The following CPPED1 variants were observed in gnomAD, a reference collection of about 807,000 sequenced individuals.
The protein encoded by CPPED1 is calcineurin like phosphoesterase domain containing 1.
Under a neutral mutation model 28.0 loss-of-function variants are expected in CPPED1, and 28 were observed. The observed-to-expected ratio is 1.00, with a 90% CI of 0.74 to 1.37. The LOEUF (loss-of-function observed/expected upper bound fraction) is 1.37, where lower values mean the gene tolerates loss of function less well. Among genes scored for constraint, CPPED1 ranks in the 40% most tolerant of loss-of-function variants. The pLI is 0.00. For missense variants in CPPED1, 504 were observed against 416.5 expected, an observed-to-expected ratio of 1.21 and a Z score of -1.83; for synonymous variants, 198 against 180.2, an observed-to-expected ratio of 1.10 and a Z score of -0.79.
chr16:12,773,276 A>T (rs965159392), intron 2 of CPPED1, among the ~76,000 whole-genome samples: 1 of 152,220 alleles, frequency 6.6e-6, no homozygotes, highest in African/African-American at 2.4e-5. Context: ...GTAAAAAGCA[A>T]AGCAAAACCT....
intron 2 of CPPED1, among the ~76,000 whole-genome samples, chr16:12,726,952 G>C (rs1356293242): frequency 6.6e-6 from 1 of 152,182 alleles, no homozygotes; most frequent in Non-Finnish European, 1.5e-5. Flanking sequence ...CCATGCCTGT[G>C]AAGCTCAGAA....
intron 3 of CPPED1, among the ~76,000 whole-genome samples, chr16:12,688,254 T>C (rs2079943699): frequency 6.6e-6 from 1 of 151,682 alleles, no homozygotes; most frequent in African/African-American, 2.4e-5. Context: ...CTTGCACATC[T>C]TCACATGTGA....
chr16:12,709,036 C>T lies in CPPED1; in HGVS notation c.290-3987G>A, dbSNP rs939863152. 2.6e-5 allele frequency among the ~76,000 whole-genome samples: 4 copies of T among 152,150 alleles called. No individual in the cohort carries two copies. The highest frequency in any genetic ancestry group is 5.9e-5 in the Non-Finnish European group (4 of 68,022). ...CAGAGGTTGCAGTGAGCCAATATCGCACTATTGCATTCCAGCCTGGGTGAC... is the reference window on the plus strand; with the variant it reads ...CAGAGGTTGCAGTGAGCCAATATCGTACTATTGCATTCCAGCCTGGGTGAC... On this transcript the variant is annotated intron_variant, in intron 2 of 3. Coordinates refer to ENST00000381774, the MANE Select transcript of CPPED1 (RefSeq NM_018340.3). This position sits in a 1 kb window ranked among gnomAD's most constrained non-coding sequence, Gnocchi z 4.4.
chr16:12,664,887 C>G lies in CPPED1; in HGVS notation c.944G>C (p.Ter315SerextTer45), dbSNP rs2141162829. ...AGTGAACGGGAACGGGAAGGAGCGT[C>G]ATTTTTTCTTGATCAAATCCATGAG... The part of the protein sequence containing the change: ...DDLMDLIKKK[*>S] Residue 315 changes from the stop codon to serine, a stop_lost, in exon 4 of 4, where the codon TGA becomes TCA. Coordinates refer to ENST00000381774, the MANE Select transcript of CPPED1 (RefSeq NM_018340.3). This position sits in a 1 kb window ranked among gnomAD's most constrained non-coding sequence, Gnocchi z 4.2. The G allele has an allele frequency of 6.2e-7, 1 of 1,606,814 alleles. No homozygotes were observed. The highest frequency in any genetic ancestry group is 8.5e-7 in the Non-Finnish European group (1 of 1,177,608).
chr16:12,698,317 G>A (rs1333693530), intron 3 of CPPED1, among the ~76,000 whole-genome samples: 1 of 152,172 alleles, frequency 6.6e-6, no homozygotes, highest in African/African-American at 2.4e-5. Flanking sequence ...GAGGAATCAG[G>A]ATCTAAACAG....
At chr16:12,738,284 CA>C (rs1201322183) in intron 2 of CPPED1, among the ~76,000 whole-genome samples, 1 of 151,430 alleles carries the variant, frequency 6.6e-6, no homozygotes. Context: ...CTCAGCTATG[CA>C]AAAAAAATTT....
Position 12,803,827 on chromosome 16 carries a change from C to T in CPPED1, c.-51G>A. On this transcript the variant is annotated 5_prime_UTR_variant, in exon 1 of 4. Coordinates refer to ENST00000381774, the MANE Select transcript of CPPED1 (RefSeq NM_018340.3). ...TAGAACACTGCGTGGGTGGAAGCCG[C>T]GCGACTTCACACAGAACAACCGCTG... 6.5e-7 allele frequency: 1 copy of T among 1,528,092 alleles called. No individual in the cohort carries two copies. Among genetic ancestry groups the T allele is most frequent in the Non-Finnish European group, 8.9e-7 (1 of 1,126,820 alleles). The allele number at this position is 1,528,092 out of a possible 1,614,324, so 94.7% of individuals were successfully genotyped here. A position where few individuals can be genotyped will look rare whatever the true frequency, so the allele number is the denominator to read the frequency against.
chr16:12,682,207 G>T lies in CPPED1; in HGVS notation c.716-17092C>A, dbSNP rs1440856949. On this transcript the variant is annotated intron_variant, in intron 3 of 3. Transcript: ENST00000381774. This position sits in a 1 kb window ranked among gnomAD's most constrained non-coding sequence, Gnocchi z 6.1. ...CCGCTACCATGCCCAGCTAATTTTT[G>T]TGTCTTTAGTAGAGACAGGATTTTA... 2.0e-5 allele frequency among the ~76,000 whole-genome samples: 3 copies of T among 151,968 alleles called. No homozygotes were observed. The highest frequency in any genetic ancestry group is 7.3e-5 in the African/African-American group (3 of 41,368).
intron 3 of CPPED1, among the ~76,000 whole-genome samples, chr16:12,681,630 T>A (rs553773292): frequency 2.0e-5 from 3 of 152,288 alleles, no homozygotes; most frequent in African/African-American, 7.2e-5. Context: ...GGCACAGAAG[T>A]GGCCTAGAAA....
intron 2 of CPPED1, among the ~76,000 whole-genome samples, chr16:12,729,580 C>T (rs375831092): frequency 2.0e-5 from 3 of 152,108 alleles, no homozygotes; most frequent in East Asian, 1.9e-4. Context: ...TGGTGAGAGG[C>T]GGAGGCATTA....
intron 2 of CPPED1, among the ~76,000 whole-genome samples, chr16:12,758,097 C>T (rs2097281208): frequency 6.6e-6 from 1 of 152,000 alleles, no homozygotes; most frequent in Non-Finnish European, 1.5e-5. Context: ...TTCCTTCCTG[C>T]AGGAAAAGGG....
intron 3 of CPPED1, among the ~76,000 whole-genome samples, chr16:12,671,005 C>T (rs891666135): frequency 9.9e-5 from 15 of 152,182 alleles, no homozygotes; most frequent in African/African-American, 3.4e-4. Context: ...TGCCTGCCAC[C>T]ATGCCCAGCT....
intron 2 of CPPED1, among the ~76,000 whole-genome samples, chr16:12,762,004 G>C (rs2080412719): frequency 7.6e-6 from 1 of 131,498 alleles, no homozygotes; most frequent in South Asian, 2.5e-4. Flanking sequence ...AGCAAAGCAA[G>C]ACTCTGTCTC....
At chr16:12,742,254 A>G (rs1013295681) in intron 2 of CPPED1, among the ~76,000 whole-genome samples, 2 of 152,034 alleles carry the variant, frequency 1.3e-5, no homozygotes, top group Non-Finnish European at 2.9e-5. Context: ...CTAAAGAAAC[A>G]CTCTACAAGT....
intron 2 of CPPED1, among the ~76,000 whole-genome samples, chr16:12,725,800 A>G (rs2080167068): frequency 6.6e-6 from 1 of 152,222 alleles, no homozygotes; most frequent in Admixed American, 6.5e-5. Context: ...CAGGGCACCA[A>G]GGCCAAGTAT....
intron 2 of CPPED1, among the ~76,000 whole-genome samples, chr16:12,721,006 G>C (rs1381714297): frequency 6.6e-6 from 1 of 152,216 alleles, no homozygotes; most frequent in East Asian, 1.9e-4. Context: ...TAAAGCCCTA[G>C]ATGGATAGGA....
At chr16:12,736,658 A>T (rs1227085183) in intron 2 of CPPED1, among the ~76,000 whole-genome samples, 1 of 152,248 alleles carries the variant, frequency 6.6e-6, no homozygotes, top group African/African-American at 2.4e-5. Flanking sequence ...TAGATTCAGT[A>T]TTCTTCCATT....
At chr16:12,674,276 C>T (rs2079866996) in intron 3 of CPPED1, among the ~76,000 whole-genome samples, 1 of 152,128 alleles carries the variant, frequency 6.6e-6, no homozygotes, top group Non-Finnish European at 1.5e-5. Flanking sequence ...GAAGATGTGA[C>T]TAACTCCGTC....
intron 2 of CPPED1, among the ~76,000 whole-genome samples, chr16:12,770,133 A>G (rs903229608): frequency 6.6e-6 from 1 of 152,182 alleles, no homozygotes; most frequent in African/African-American, 2.4e-5. Flanking sequence ...TTGGCTACAA[A>G]TAAGAGATAG....
Sources: gnomAD v4.1 joint callset for allele counts (sites outside exome capture counted in the v4.1 genomes callset) on GRCh38, gnomAD v4.1.1 for gene constraint, Gnocchi (gnomAD v3.1) non-coding constraint, MANE v1.5 for transcripts, NCBI Gene and HGNC (gene_info 2026-07-23, HGNC 2026-07-21) for gene names.